The following CPED1 variants were observed in gnomAD, a reference collection of about 807,000 sequenced individuals.
CPED1 encodes the protein cadherin like and PC-esterase domain containing 1, also known as cadherin-like and PC-esterase domain-containing protein 1.
CPED1 carries 114 observed loss-of-function variants against 128.2 expected under a neutral mutation model. The ratio of observed to expected loss-of-function variants is 0.89; its 90% confidence interval spans 0.76 to 1.04. The LOEUF (loss-of-function observed/expected upper bound fraction) is 1.04. Among genes scored for constraint, CPED1 ranks in the 50% least tolerant of loss-of-function variants. The pLI is 0.00. For missense variants in CPED1, 1,211 were observed against 1,207.1 expected (o/e 1.00, Z -0.05); for synonymous variants, 462 against 426.7 (o/e 1.08, Z -1.02).
intron 21 of CPED1, among the ~76,000 whole-genome samples, chr7:121,269,227 C>T (rs749820270): frequency 4.6e-5 from 7 of 152,062 alleles, no homozygotes; most frequent in Non-Finnish European, 8.8e-5. Context: ...CAATATTCAG[C>T]TCCCACTCAT....
At chr7:121,243,751 T>C (rs2116687110) in intron 17 of CPED1, among the ~76,000 whole-genome samples, 1 of 152,308 alleles carries the variant, frequency 6.6e-6, no homozygotes, top group Non-Finnish European at 1.5e-5. Context: ...GTAGTTCTCT[T>C]GTATCTTAAA....
At chr7:121,088,627 C>G (rs1218882864) in intron 5 of CPED1, among the ~76,000 whole-genome samples, 1 of 150,272 alleles carries the variant, frequency 6.7e-6, no homozygotes, top group Non-Finnish European at 1.5e-5. Context: ...CCACTGCACT[C>G]CAGCCTGGGC....
intron 7 of CPED1, among the ~76,000 whole-genome samples, chr7:121,122,040 A>G (rs1157955418): frequency 6.6e-6 from 1 of 152,154 alleles, no homozygotes; most frequent in Non-Finnish European, 1.5e-5. Context: ...TTAAAAATTC[A>G]TATGAAGCAC....
chr7:121,186,119 C>T (rs765007051), intron 16 of CPED1, among the ~76,000 whole-genome samples: 1 of 152,126 alleles, frequency 6.6e-6, no homozygotes, highest in Non-Finnish European at 1.5e-5. Flanking sequence ...ATTTGCTTCT[C>T]TTCCCAAAAC....
At chr7:121,037,692 T>C (rs1187592262) in intron 3 of CPED1, among the ~76,000 whole-genome samples, 1 of 152,142 alleles carries the variant, frequency 6.6e-6, no homozygotes, top group African/African-American at 2.4e-5. Context: ...GATATTTTGA[T>C]GGGAATTGCA....
At chr7:121,038,111 A>T (rs560904660) in intron 3 of CPED1, among the ~76,000 whole-genome samples, 3 of 152,208 alleles carry the variant, frequency 2.0e-5, no homozygotes, top group African/African-American at 7.2e-5. Flanking sequence ...CCTCTTTGCC[A>T]ATTTGGGTGC....
chr7:121,029,734 A>T (rs114299423), intron 3 of CPED1, among the ~76,000 whole-genome samples: 48 of 152,322 alleles, frequency 3.2e-4, no homozygotes, highest in African/African-American at 1.2e-3. Flanking sequence ...TGATTACCAC[A>T]TGATAAAATC....
chr7:121,218,167 G>A (rs1013411862), intron 16 of CPED1, among the ~76,000 whole-genome samples: 2 of 90,930 alleles, frequency 2.2e-5, no homozygotes, highest in African/African-American at 4.5e-5. Flanking sequence ...TTTTTTTTTT[G>A]TATTTTTAGT....
At chr7:121,175,839 A>G (rs1032255420) in intron 16 of CPED1, among the ~76,000 whole-genome samples, 14 of 152,076 alleles carry the variant, frequency 9.2e-5, no homozygotes, top group African/African-American at 4.8e-5. Context: ...TGATGCCAGC[A>G]CCAGAGTGAG....
chr7:121,092,505 G>T (rs186396722), intron 5 of CPED1, among the ~76,000 whole-genome samples: 1 of 152,154 alleles, frequency 6.6e-6, no homozygotes, highest in Non-Finnish European at 1.5e-5. Flanking sequence ...AATCTTTGCC[G>T]TCATGGAGCT....
At chr7:121,199,371 G>A (rs765630876) in intron 16 of CPED1, among the ~76,000 whole-genome samples, 5 of 151,836 alleles carry the variant, frequency 3.3e-5, no homozygotes, top group East Asian at 3.9e-4. Context: ...TGGTCTTTCC[G>A]TGTGCTATAG....
At chr7:121,108,938 T>C (rs1160187982) in intron 7 of CPED1, among the ~76,000 whole-genome samples, 1 of 152,074 alleles carries the variant, frequency 6.6e-6, no homozygotes, top group African/African-American at 2.4e-5. Context: ...CAACACATAG[T>C]TTTAAACTTA....
chr7:121,015,376 G>A (rs886621015), intron 2 of CPED1, among the ~76,000 whole-genome samples: 1 of 152,200 alleles, frequency 6.6e-6, no homozygotes, highest in South Asian at 2.1e-4. Context: ...TGTATTTTCA[G>A]CTAGAGTTGA....
chr7:121,210,184 A>G (rs1198097153), intron 16 of CPED1, among the ~76,000 whole-genome samples: 4 of 152,038 alleles, frequency 2.6e-5, no homozygotes, highest in Non-Finnish European at 5.9e-5. Flanking sequence ...GATGTGAAGA[A>G]AGGAGAACCT....
At chr7:121,170,491 G>A (rs1796628237) in intron 16 of CPED1, among the ~76,000 whole-genome samples, 1 of 151,998 alleles carries the variant, frequency 6.6e-6, no homozygotes, top group African/African-American at 2.4e-5. Context: ...GAACTTACTA[G>A]TAATAGACAG....
chr7:121,087,930 G>C (rs1584502950), intron 5 of CPED1, among the ~76,000 whole-genome samples: 1 of 152,136 alleles, frequency 6.6e-6, no homozygotes, highest in East Asian at 1.9e-4. Context: ...AAAGTGCTGG[G>C]ATTACAGGCA....
rs1011966869 is a variant in CPED1 at position 121,158,640 on chromosome 7, C to T, written c.2055+16499C>T. ...CTCCAAGGTAATAGATACTGTGTATCATGATTGGAAAAGATGTCCCACTTC... is the reference window on the plus strand; with the variant it reads ...CTCCAAGGTAATAGATACTGTGTATTATGATTGGAAAAGATGTCCCACTTC... On this transcript the variant is annotated intron_variant, in intron 16 of 22. Transcript: ENST00000310396. 2.6e-5 allele frequency among the ~76,000 whole-genome samples: 4 copies of T among 150,966 alleles called. No individual in the cohort carries two copies. The East Asian group carries it at 7.8e-4, about 29-fold the overall frequency.
At chr7:121,123,892 C>CT (rs1433902305) in intron 7 of CPED1, among the ~76,000 whole-genome samples, 1 of 152,176 alleles carries the variant, frequency 6.6e-6, no homozygotes, top group Non-Finnish European at 1.5e-5. Flanking sequence ...GAATTTCATA[C>CT]TTTAACATGA....
At chr7:121,019,679 G>A (rs1792387849) in intron 3 of CPED1, among the ~76,000 whole-genome samples, 1 of 152,014 alleles carries the variant, frequency 6.6e-6, no homozygotes, top group Non-Finnish European at 1.5e-5. Context: ...AGAACAGTAT[G>A]AGAACAATTG....
Sources: allele counts gnomAD v4.1 joint callset (sites outside exome capture counted in the v4.1 genomes callset), GRCh38; gene constraint gnomAD v4.1.1; transcripts MANE v1.5; gene names NCBI Gene and HGNC (gene_info 2026-07-23, HGNC 2026-07-21).